The following ACTR3C variants were observed in gnomAD, a reference collection of about 807,000 sequenced individuals.
The protein encoded by ACTR3C is actin-related protein 3C.
Under a neutral mutation model 26.3 loss-of-function variants are expected in ACTR3C, and 18 were observed. The observed-to-expected ratio is 0.68, with a 90% CI of 0.47 to 1.01. ACTR3C has a LOEUF of 1.01. Among genes scored for constraint, ACTR3C ranks in the 50% least tolerant of loss-of-function variants. The pLI, the probability that ACTR3C is intolerant of heterozygous loss-of-function variation, is 0.00. For missense variants in ACTR3C, 184 were observed against 250.7 expected (o/e 0.73, Z 1.80); for synonymous variants, 55 against 94.5 (o/e 0.58, Z 2.42).
At chr7:149,928,806 G>A in the ACTR3C span, among the ~76,000 whole-genome samples, 1 of 151,534 alleles carries the variant, frequency 6.6e-6, no homozygotes, top group Non-Finnish European at 1.5e-5. Flanking sequence ...TCACACCACT[G>A]CACTTCAGCC....
chr7:149,957,107 C>A, the ACTR3C span, among the ~76,000 whole-genome samples: 7 of 152,050 alleles, frequency 4.6e-5, no homozygotes, highest in African/African-American at 1.7e-4. Flanking sequence ...GCATGAATAG[C>A]GCATGGAATC....
At chr7:150,183,078 TTTA>T in the ACTR3C span, among the ~76,000 whole-genome samples, 1 of 150,822 alleles carries the variant, frequency 6.6e-6, no homozygotes, top group South Asian at 2.1e-4. Flanking sequence ...TGCTTGCACA[TTTA>T]TTATGTTTGT....
chr7:150,132,000 C>T, the ACTR3C span, among the ~76,000 whole-genome samples: 3,714 of 152,150 alleles, frequency 0.024, 101 homozygotes, highest in East Asian at 0.12. Context: ...ATGATAGTTG[C>T]GGGGAATGAT....
the ACTR3C span, among the ~76,000 whole-genome samples, chr7:150,220,825 C>T: frequency 6.6e-6 from 1 of 152,298 alleles, no homozygotes; most frequent in Non-Finnish European, 1.5e-5. Context: ...CGGATCTTTC[C>T]ACACCCCCCT....
the ACTR3C span, among the ~76,000 whole-genome samples, chr7:149,885,291 C>T: frequency 7.2e-5 from 11 of 152,174 alleles, no homozygotes; most frequent in Admixed American, 6.5e-5. Context: ...TGAGGGGAGC[C>T]GAGTGCCTTC....
chr7:150,029,372 C>A, the ACTR3C span, among the ~76,000 whole-genome samples: 3 of 113,468 alleles, frequency 2.6e-5, no homozygotes, highest in Non-Finnish European at 3.5e-5. Context: ...CCAGGCTGGG[C>A]AACATAGGAA....
the ACTR3C span, among the ~76,000 whole-genome samples, chr7:150,201,560 T>C: frequency 6.7e-6 from 1 of 149,870 alleles, no homozygotes; most frequent in Admixed American, 6.6e-5. Flanking sequence ...CCAGCCTGGC[T>C]AACACGGTGA....
chr7:150,185,062 T>C, the ACTR3C span, among the ~76,000 whole-genome samples: 8 of 151,668 alleles, frequency 5.3e-5, no homozygotes, highest in Admixed American at 3.3e-4. Context: ...CAAGGACTGA[T>C]TGGCTTAACT....
the ACTR3C span, among the ~76,000 whole-genome samples, chr7:150,066,882 G>A: frequency 6.6e-6 from 1 of 152,212 alleles, no homozygotes; most frequent in African/African-American, 2.4e-5. Context: ...TGGGCACCAA[G>A]TAAGAAGAGG....
At chr7:149,906,408 GTTTCTTT>G in the ACTR3C span, among the ~76,000 whole-genome samples, 1 of 90,704 alleles carries the variant, frequency 1.1e-5, no homozygotes, top group African/African-American at 5.1e-5. Flanking sequence ...TGTGGGGTTT[GTTTCTTT>G]TTTTTTTTTT....
chr7:150,115,141 C>T, the ACTR3C span, among the ~76,000 whole-genome samples: 3 of 152,190 alleles, frequency 2.0e-5, no homozygotes, highest in Non-Finnish European at 2.9e-5. Flanking sequence ...TCAACGTCTA[C>T]TAGAGTATGG....
At chr7:149,992,954 A>C in the ACTR3C span, among the ~76,000 whole-genome samples, 1 of 152,108 alleles carries the variant, frequency 6.6e-6, no homozygotes, top group East Asian at 1.9e-4. Flanking sequence ...AACCACTAGC[A>C]TAAGTGCCAG....
chr7:150,232,958 C>T, the ACTR3C span, among the ~76,000 whole-genome samples: 1 of 151,990 alleles, frequency 6.6e-6, no homozygotes, highest in African/African-American at 2.4e-5. Flanking sequence ...CATATGATAC[C>T]ATCATCGTAT....
At chr7:150,140,663 C>T in the ACTR3C span, among the ~76,000 whole-genome samples, 23 of 152,150 alleles carry the variant, frequency 1.5e-4, no homozygotes, top group African/African-American at 5.6e-4. Flanking sequence ...GTTTTTTACT[C>T]TTTTCAAAAA....
chr7:150,315,290 C>G (rs1417724028), intron 1 of ACTR3C, among the ~76,000 whole-genome samples: 1 of 152,032 alleles, frequency 6.6e-6, no homozygotes, highest in Non-Finnish European at 1.5e-5. Flanking sequence ...TGATAAACTT[C>G]TGTCCTGCTA....
the ACTR3C span, among the ~76,000 whole-genome samples, chr7:150,045,564 G>GAAA: frequency 1.7e-4 from 20 of 115,038 alleles, no homozygotes; most frequent in East Asian, 2.5e-4. Flanking sequence ...GTATTTTCCA[G>GAAA]AAAAAAAAAA....
At chr7:150,193,975 TACACATACAC>T in the ACTR3C span, among the ~76,000 whole-genome samples, 1 of 140,650 alleles carries the variant, frequency 7.1e-6, no homozygotes, top group Non-Finnish European at 1.5e-5. Context: ...ATATATAAAA[TACACATACAC>T]ACACAGACAC....
chr7:150,043,291 G>A, the ACTR3C span, among the ~76,000 whole-genome samples: 2 of 151,254 alleles, frequency 1.3e-5, no homozygotes, highest in South Asian at 4.2e-4. Context: ...GCCAGTGGGG[G>A]AAGAGGGGCT....
the ACTR3C span, among the ~76,000 whole-genome samples, chr7:150,118,061 C>T: frequency 7.6e-4 from 116 of 152,230 alleles, 1 homozygote; most frequent in South Asian, 0.013. Context: ...AGGACAACAA[C>T]GCAAAAACCC....
Sources: gnomAD v4.1 joint callset for allele counts (sites outside exome capture counted in the v4.1 genomes callset) on GRCh38, gnomAD v4.1.1 for gene constraint, MANE v1.5 for transcripts, NCBI Gene and HGNC (gene_info 2026-07-23, HGNC 2026-07-21) for gene names.